TMEM131: variants seen among roughly 807,000 people sequenced by gnomAD.
TMEM131 encodes the protein transmembrane protein 131.
Under a neutral mutation model 211.6 loss-of-function variants are expected in TMEM131, and 66 were observed. That is an observed-to-expected ratio of 0.31 (90% confidence interval 0.26 to 0.38). The LOEUF is 0.38. TMEM131 is among the 10% of genes least tolerant of loss of function. The pLI, the probability that TMEM131 is intolerant of heterozygous loss-of-function variation, is 1.00. For missense variants in TMEM131, 2,036 were observed against 2,299.3 expected (o/e 0.89, Z 2.34); for synonymous variants, 844 against 841.3 (o/e 1.00, Z -0.06).
intron 4 of TMEM131, among the ~76,000 whole-genome samples, chr2:97,886,119 TTTG>T (rs947998397): frequency 6.6e-6 from 1 of 152,184 alleles, no homozygotes; most frequent in African/African-American, 2.4e-5. Flanking sequence ...TGTTTGGTTC[TTTG>T]TTATGTTACC....
rs561657950 is a variant in TMEM131 at position 97,980,037 on chromosome 2, G to A, written c.187+15439C>T. ...CAGAGAAAACGACAGCCTGAGGAGGGGCGAGAAGTGGGGGAACAGCCAGTT... is the reference window on the plus strand; with the variant it reads ...CAGAGAAAACGACAGCCTGAGGAGGAGCGAGAAGTGGGGGAACAGCCAGTT... On this transcript the variant is annotated intron_variant, in intron 1 of 40. Transcript: ENST00000186436. Among the ~76,000 whole-genome samples the A allele has an allele frequency of 2.8e-4, 43 of 152,276 alleles. No homozygotes were observed. In the South Asian group the frequency reaches 8.9e-3, roughly 32 times the overall value.
intron 25 of TMEM131, among the ~76,000 whole-genome samples, chr2:97,798,823 C>T (rs555648632): frequency 6.6e-6 from 1 of 152,236 alleles, no homozygotes; most frequent in Non-Finnish European, 1.5e-5. Context: ...GAAGAATATT[C>T]CAACTGCTTC....
chr2:97,862,011 C>G (rs1674087068), intron 4 of TMEM131, among the ~76,000 whole-genome samples: 1 of 152,080 alleles, frequency 6.6e-6, no homozygotes, highest in African/African-American at 2.4e-5. Flanking sequence ...ACTCCCAGAT[C>G]CAGGTGGCTC....
At chr2:97,971,412 A>G (rs1446976948) in intron 1 of TMEM131, among the ~76,000 whole-genome samples, 2 of 152,232 alleles carry the variant, frequency 1.3e-5, no homozygotes, top group African/African-American at 4.8e-5. Flanking sequence ...GAAAAAAAAT[A>G]CTGAAATATA....
chr2:97,930,305 C>T (rs1559455158), intron 1 of TMEM131, among the ~76,000 whole-genome samples: 1 of 151,694 alleles, frequency 6.6e-6, no homozygotes, highest in Non-Finnish European at 1.5e-5. Flanking sequence ...GAATGAGTTC[C>T]CACCATTGAG....
chr2:97,858,992 T>G (rs139506477), intron 5 of TMEM131, among the ~76,000 whole-genome samples: 6 of 152,340 alleles, frequency 3.9e-5, no homozygotes, highest in Non-Finnish European at 8.8e-5. Flanking sequence ...TAATTTATTA[T>G]GTAGCAAGAA....
At chr2:97,854,373 GACTGGCTT>G (rs1673755034) in intron 5 of TMEM131, among the ~76,000 whole-genome samples, 1 of 152,146 alleles carries the variant, frequency 6.6e-6, no homozygotes, top group Non-Finnish European at 1.5e-5. Context: ...AAAATTCTGT[GACTGGCTT>G]ACTGCAGTGG....
intron 11 of TMEM131, among the ~76,000 whole-genome samples, chr2:97,832,908 A>C (rs1682776643): frequency 6.6e-6 from 1 of 152,172 alleles, no homozygotes; most frequent in Non-Finnish European, 1.5e-5. Flanking sequence ...CTAGTTAGGG[A>C]GCCTGTGACA....
chr2:97,970,718 A>G (rs1679259729), intron 1 of TMEM131, among the ~76,000 whole-genome samples: 2 of 152,198 alleles, frequency 1.3e-5, no homozygotes, highest in Admixed American at 1.3e-4. Context: ...ATCTGGGCCT[A>G]TTCCTGAAGC....
intron 1 of TMEM131, among the ~76,000 whole-genome samples, chr2:97,951,777 C>T (rs1017196230): frequency 5.3e-5 from 8 of 152,152 alleles, no homozygotes; most frequent in African/African-American, 1.9e-4. Context: ...CAAGTCCTAA[C>T]GTCCCCTAGC....
intron 31 of TMEM131, among the ~76,000 whole-genome samples, chr2:97,791,087 T>C (rs999485842): frequency 2.6e-5 from 4 of 152,308 alleles, no homozygotes; most frequent in East Asian, 3.9e-4. Flanking sequence ...TATATTAGCA[T>C]GGCTGCCACA....
chr2:97,796,165 A>C (rs1680751359), intron 28 of TMEM131, 53 bp downstream of exon 28: 1 of 1,078,992 alleles, frequency 9.3e-7, no homozygotes, highest in African/African-American at 1.7e-5. Context: ...ATATCTTTGC[A>C]CAGAGTTTGA....
intron 31 of TMEM131, among the ~76,000 whole-genome samples, chr2:97,788,541 G>C (rs1573361562): frequency 6.6e-6 from 1 of 152,254 alleles, no homozygotes; most frequent in East Asian, 1.9e-4. Flanking sequence ...CCTGCGGACT[G>C]TCCATCCTTT....
At chr2:97,952,664 C>T (rs950946763) in intron 1 of TMEM131, among the ~76,000 whole-genome samples, 2 of 152,128 alleles carry the variant, frequency 1.3e-5, no homozygotes, top group African/African-American at 4.8e-5. Flanking sequence ...GCCACTTGAG[C>T]CCAGGAGCTC....
chr2:97,871,881 T>C (rs1674502829), intron 4 of TMEM131, among the ~76,000 whole-genome samples: 1 of 151,748 alleles, frequency 6.6e-6, no homozygotes, highest in Non-Finnish European at 1.5e-5. Context: ...CATCAGGTAA[T>C]TATAGGAGTT....
chr2:97,772,435 T>G lies in TMEM131; in HGVS notation c.4321-11A>C. ...TTGCTTTTCTGTATCCTGTAAAAAA[T>G]GGACACTTAATTGCTGAGAAGGATT... On this transcript the variant is annotated splice_polypyrimidine_tract_variant and intron_variant, in intron 32 of 40. Coordinates refer to ENST00000186436, the MANE Select transcript of TMEM131 (RefSeq NM_015348.2). The G allele has an allele frequency of 6.2e-7, 1 of 1,608,850 alleles. No individual in the cohort carries two copies. The highest frequency in any genetic ancestry group is 1.1e-5 in the South Asian group (1 of 89,152).
chr2:97,877,865 T>C (rs148219888), intron 4 of TMEM131, among the ~76,000 whole-genome samples: 4,441 of 152,246 alleles, frequency 0.029, 79 homozygotes, highest in Middle Eastern at 0.065. Flanking sequence ...TGGGATCTAA[T>C]TAAACCAAAG....
intron 1 of TMEM131, among the ~76,000 whole-genome samples, chr2:97,942,026 A>G (rs1296635003): frequency 5.3e-5 from 8 of 152,228 alleles, no homozygotes; most frequent in African/African-American, 9.6e-5. Flanking sequence ...ACATGCACAC[A>G]TATGTTTATT....
At chr2:97,774,905 G>A (rs997247734) in intron 32 of TMEM131, among the ~76,000 whole-genome samples, 2 of 152,092 alleles carry the variant, frequency 1.3e-5, no homozygotes, top group Admixed American at 6.5e-5. Flanking sequence ...TAACGGTGAG[G>A]GAATGCAAAG....
Sources: gnomAD v4.1 joint callset for allele counts (sites outside exome capture counted in the v4.1 genomes callset) on GRCh38, gnomAD v4.1.1 for gene constraint, MANE v1.5 for transcripts, NCBI Gene and HGNC (gene_info 2026-07-23, HGNC 2026-07-21) for gene names.